Variants in OCA2 observed in about 807,000 individuals in gnomAD.
OCA2 encodes OCA2 melanosomal transmembrane protein.
A neutral mutation model predicts 100.2 loss-of-function variants in OCA2; 77 were observed. That is an observed-to-expected ratio of 0.77 (90% CI 0.64 to 0.93). The LOEUF (loss-of-function observed/expected upper bound fraction) is 0.93. OCA2 is among the 40% of genes least tolerant of loss of function. OCA2 has a pLI of 0.00. For missense variants in OCA2, 1,062 were observed against 1,089.1 expected (o/e 0.98, Z 0.35); for synonymous variants, 432 against 439.2 (o/e 0.98, Z 0.21).
At chr15:27,789,896 T>C (rs2032998105) in intron 23 of OCA2, among the ~76,000 whole-genome samples, 2 of 152,188 alleles carry the variant, frequency 1.3e-5, no homozygotes, top group African/African-American at 4.8e-5. Context: ...CAAAAATTTC[T>C]TAAATATAAT....
chr15:27,759,022 A>G (rs1266832386), intron 23 of OCA2, among the ~76,000 whole-genome samples: 1 of 152,170 alleles, frequency 6.6e-6, no homozygotes, highest in Non-Finnish European at 1.5e-5. Flanking sequence ...CAATCAACAA[A>G]TCAAACTCGT....
intron 1 of OCA2, among the ~76,000 whole-genome samples, chr15:28,089,932 C>T (rs1432995541): frequency 6.6e-6 from 1 of 151,820 alleles, no homozygotes; most frequent in Non-Finnish European, 1.5e-5. Context: ...CATGTAGCCC[C>T]AAATCTAAAA....
rs1265534138 is a variant in OCA2, at chr15:27,957,573, G to A, written c.1784+15C>T. On this transcript the variant is annotated intron_variant, in intron 16 of 23. Transcript: ENST00000354638. This position sits in a 1 kb window ranked among gnomAD's most constrained non-coding sequence, Gnocchi z 4.3. ...TGCACACCAAGCACAGTCTGAGCAG[G>A]ACCCCGCCCGGTACCTGTGGAAGGT... The A allele has an allele frequency of 1.1e-5, 18 of 1,611,728 alleles. No individual in the cohort carries two copies. In the Middle Eastern group the frequency reaches 5.6e-4, roughly 50 times the overall value.
intron 9 of OCA2, among the ~76,000 whole-genome samples, chr15:27,996,010 AC>A (rs2141062204): frequency 6.6e-6 from 1 of 152,088 alleles, no homozygotes; most frequent in East Asian, 1.9e-4. Context: ...ACGGGGTTTC[AC>A]TGTGTTGGCC....
the OCA2 span, among the ~76,000 whole-genome samples, chr15:27,743,716 C>T: frequency 6.6e-6 from 1 of 152,182 alleles, no homozygotes; most frequent in Non-Finnish European, 1.5e-5. Context: ...GATCAAATAT[C>T]CTTGCTCTTC....
Position 27,959,450 on chromosome 15 carries a change from A to G in OCA2, c.1637-1715T>C, listed in dbSNP as rs551660987. 1.8e-4 allele frequency among the ~76,000 whole-genome samples: 27 copies of G among 152,336 alleles called. No homozygotes were observed. In the Middle Eastern group the frequency reaches 0.01, roughly 58 times the overall value. On this transcript the variant is annotated intron_variant, in intron 15 of 23. Coordinates refer to ENST00000354638, the MANE Select transcript of OCA2 (RefSeq NM_000275.3). ...AAACACCATCTGTGGAAGGTCTCCAATGTAAGTTCAGACAGAGCCAGTATT... is the reference window on the plus strand; with the variant it reads ...AAACACCATCTGTGGAAGGTCTCCAGTGTAAGTTCAGACAGAGCCAGTATT...
intron 23 of OCA2, among the ~76,000 whole-genome samples, chr15:27,830,494 G>A (rs564131353): frequency 1.5e-4 from 23 of 152,250 alleles, no homozygotes; most frequent in African/African-American, 5.3e-4. Flanking sequence ...AGATAAGAAG[G>A]ATGAATTGGA....
At chr15:27,827,472 T>G (rs997543951) in intron 23 of OCA2, among the ~76,000 whole-genome samples, 2 of 151,994 alleles carry the variant, frequency 1.3e-5, no homozygotes, top group Non-Finnish European at 2.9e-5. Flanking sequence ...GGAGTGCAAT[T>G]AGCACACCAG....
chr15:27,893,654 C>T (rs1050369232), intron 19 of OCA2, among the ~76,000 whole-genome samples: 2 of 152,072 alleles, frequency 1.3e-5, no homozygotes, highest in African/African-American at 4.8e-5. Flanking sequence ...CTGAGATATG[C>T]CCTGGTCTCT....
At chr15:27,735,826 A>G in the OCA2 span, among the ~76,000 whole-genome samples, 1 of 152,224 alleles carries the variant, frequency 6.6e-6, no homozygotes, top group African/African-American at 2.4e-5. Flanking sequence ...GTGAGGTGAG[A>G]TACTTTCCCA....
the OCA2 span, among the ~76,000 whole-genome samples, chr15:27,738,667 A>G: frequency 6.6e-5 from 10 of 151,324 alleles, no homozygotes; most frequent in Admixed American, 1.3e-4. Flanking sequence ...TCCGGGAGGC[A>G]GAGCTTGCAG....
intron 17 of OCA2, 85 bp from the exon 18 acceptor site, chr15:27,951,977 G>A (rs780649832): frequency 1.4e-5 from 13 of 928,266 alleles, no homozygotes; most frequent in Middle Eastern, 2.1e-4. Context: ...CTGGAATCAC[G>A]ACAGATTTCA....
At chr15:27,799,899 C>A (rs1352020466) in intron 23 of OCA2, among the ~76,000 whole-genome samples, 1 of 151,996 alleles carries the variant, frequency 6.6e-6, no homozygotes, top group Non-Finnish European at 1.5e-5. Context: ...GGTAAAAAGG[C>A]TGGAGTGATG....
intron 23 of OCA2, among the ~76,000 whole-genome samples, chr15:27,763,258 G>A (rs2030985567): frequency 6.6e-6 from 1 of 150,712 alleles, no homozygotes; most frequent in Admixed American, 6.6e-5. Flanking sequence ...GATTCCATAA[G>A]AAAAAAAAAT....
At chr15:27,749,682 T>C in the OCA2 span, among the ~76,000 whole-genome samples, 10 of 152,296 alleles carry the variant, frequency 6.6e-5, no homozygotes, top group African/African-American at 2.2e-4. Context: ...CAATCACATT[T>C]CTACACGTTA....
chr15:28,016,485 AAAAG>A (rs1408532605), intron 7 of OCA2, among the ~76,000 whole-genome samples: 2 of 152,252 alleles, frequency 1.3e-5, no homozygotes, highest in Non-Finnish European at 2.9e-5. Context: ...TAATACGAGA[AAAAG>A]AAATCATGCC....
chr15:27,875,160 A>C (rs75761187), intron 19 of OCA2, among the ~76,000 whole-genome samples: 2,391 of 152,296 alleles, frequency 0.016, 56 homozygotes, highest in African/African-American at 0.05. Flanking sequence ...TACAATAAAC[A>C]GATAATGGAG....
intron 22 of OCA2, among the ~76,000 whole-genome samples, chr15:27,848,252 T>C (rs2035608202): frequency 6.6e-6 from 1 of 152,174 alleles, no homozygotes; most frequent in African/African-American, 2.4e-5. Flanking sequence ...GGGGCAGAAA[T>C]GCAGGGAGTC....
intron 23 of OCA2, among the ~76,000 whole-genome samples, chr15:27,808,915 G>C (rs1055171623): frequency 7.2e-5 from 11 of 152,330 alleles, no homozygotes; most frequent in Middle Eastern, 3.4e-3. Context: ...TGACTGAACA[G>C]ATGGGATCGT....
Sources: allele counts gnomAD v4.1 joint callset (sites outside exome capture counted in the v4.1 genomes callset), GRCh38; gene constraint gnomAD v4.1.1; non-coding constraint Gnocchi (gnomAD v3.1); transcripts MANE v1.5; gene names NCBI Gene and HGNC (gene_info 2026-07-23, HGNC 2026-07-21).